CD109: variants seen among roughly 807,000 people sequenced by gnomAD.
CD109 encodes CD109 molecule.
A neutral mutation model predicts 165.8 loss-of-function variants in CD109; 149 were observed. The ratio of observed to expected loss-of-function variants is 0.90; its 90% CI spans 0.79 to 1.03. The LOEUF (loss-of-function observed/expected upper bound fraction) is 1.03, where lower values mean the gene tolerates loss of function less well. CD109 is among the 50% of genes least tolerant of loss of function. The pLI, the probability that CD109 is intolerant of heterozygous loss-of-function variation, is 0.00. For missense variants in CD109, 1,712 were observed against 1,677.8 expected, an observed-to-expected ratio of 1.02 and a Z score of -0.36; for synonymous variants, 585 against 592.1, an observed-to-expected ratio of 0.99 and a Z score of 0.18.
chr6:73,735,285 A>G lies in CD109; in HGVS notation c.508-1098A>G, dbSNP rs1361433148. 5.3e-5 allele frequency among the ~76,000 whole-genome samples: 8 copies of G among 152,188 alleles called. No homozygotes were observed. The East Asian group carries it at 1.3e-3, about 26-fold the overall frequency. On this transcript the variant is annotated intron_variant, in intron 4 of 32. Coordinates refer to ENST00000287097, the MANE Select transcript of CD109 (RefSeq NM_133493.5). ...TATACTATAATTAGGGACTATAAAA[A>G]GTGTATAGCCACTGCTTTTTATATG... is the stretch of plus-strand genomic sequence containing the variant.
rs775817475 is a variant in CD109 at position 73,823,454 on chromosome 6, A to T, written c.4163-4A>T. On this transcript the variant is annotated splice_region_variant and splice_polypyrimidine_tract_variant and intron_variant, in intron 32 of 32. Coordinates refer to ENST00000287097, the MANE Select transcript of CD109 (RefSeq NM_133493.5). Reference sequence around the variant, plus strand: ...TGTGAACTGATGTCTGCTTCTTTGAACAGGGAGACAGGCGGTGAGAAGTTA... The same window carrying T: ...TGTGAACTGATGTCTGCTTCTTTGATCAGGGAGACAGGCGGTGAGAAGTTA... 2.3e-5 allele frequency: 37 copies of T among 1,600,024 alleles called. No homozygotes were observed. The highest frequency in any genetic ancestry group is 2.9e-5 in the Non-Finnish European group (34 of 1,170,064).
intron 14 of CD109, among the ~76,000 whole-genome samples, chr6:73,769,547 C>A (rs1232627204): frequency 6.6e-6 from 1 of 152,158 alleles, no homozygotes; most frequent in Non-Finnish European, 1.5e-5. Flanking sequence ...AACTATATAT[C>A]TTTCTCTTAT....
intron 23 of CD109, among the ~76,000 whole-genome samples, chr6:73,798,648 CA>C (rs1460157004): frequency 4.1e-4 from 62 of 152,278 alleles, no homozygotes; most frequent in Non-Finnish European, 7.8e-4. Flanking sequence ...TCAAGAAATT[CA>C]CTGCAAAACT....
At chr6:73,746,328 A>G (rs934226638) in intron 5 of CD109, among the ~76,000 whole-genome samples, 1 of 152,120 alleles carries the variant, frequency 6.6e-6, no homozygotes, top group Non-Finnish European at 1.5e-5. Flanking sequence ...AATGAGTACC[A>G]AGTCCCTGGG....
chr6:73,730,296 T>C, intron 3 of CD109, 48 bp from the exon 4 acceptor site: 1 of 1,150,240 alleles, frequency 8.7e-7, no homozygotes, highest in Non-Finnish European at 1.3e-6. Flanking sequence ...AAAACATTTT[T>C]GAGGTAAAAT....
chr6:73,699,515 G>A (rs905143841), intron 2 of CD109, among the ~76,000 whole-genome samples: 2 of 152,098 alleles, frequency 1.3e-5, no homozygotes, highest in Non-Finnish European at 2.9e-5. Flanking sequence ...CACCTGTTAG[G>A]TCTTTTCTGT....
chr6:73,746,804 A>G (rs1772999413), intron 5 of CD109, among the ~76,000 whole-genome samples: 1 of 152,188 alleles, frequency 6.6e-6, no homozygotes, highest in African/African-American at 2.4e-5. Context: ...AGTGACTGTC[A>G]GGTATAGACC....
At position 73,766,913 on chromosome 6, in the gene CD109, T is replaced by C. The variant is rs1773874891; in HGVS notation, c.1435-35T>C. On this transcript the variant is annotated intron_variant, in intron 12 of 32. Coordinates refer to ENST00000287097, the MANE Select transcript of CD109 (RefSeq NM_133493.5). ...ACAATATAATTGGACTATCTTGCTT[T>C]TGATATGTACATATTAATTAAGGTT... 1.9e-6 allele frequency: 3 copies of C among 1,611,096 alleles called. No homozygotes were observed. In the South Asian group the frequency reaches 3.3e-5, roughly 18 times the overall value.
intron 3 of CD109, among the ~76,000 whole-genome samples, chr6:73,726,877 G>A (rs1772158562): frequency 6.6e-6 from 1 of 152,180 alleles, no homozygotes; most frequent in Admixed American, 6.5e-5. Flanking sequence ...TGTGGGAACT[G>A]CACCTTCCTC....
intron 24 of CD109, among the ~76,000 whole-genome samples, chr6:73,805,462 C>T (rs560952083): frequency 7.6e-4 from 115 of 152,280 alleles, no homozygotes; most frequent in African/African-American, 2.7e-3. Context: ...GATTTTATAC[C>T]GAGACATTCC....
chr6:73,810,623 C>G (rs890550946), intron 27 of CD109, among the ~76,000 whole-genome samples: 1 of 151,856 alleles, frequency 6.6e-6, no homozygotes, highest in African/African-American at 2.4e-5. Flanking sequence ...GTGGGATCTA[C>G]AGAAATGCTA....
chr6:73,778,075 T>C (rs150935331), intron 15 of CD109, among the ~76,000 whole-genome samples: 1 of 152,342 alleles, frequency 6.6e-6, no homozygotes, highest in African/African-American at 2.4e-5. Context: ...TGTTCATCTA[T>C]GATTTCTTTG....
At chr6:73,752,443 A>G (rs569827835) in intron 5 of CD109, among the ~76,000 whole-genome samples, 2 of 152,264 alleles carry the variant, frequency 1.3e-5, no homozygotes, top group South Asian at 2.1e-4. Flanking sequence ...TTCCCACTTC[A>G]TTTGTCTAAT....
At chr6:73,761,349 T>TA (rs1005245212) in intron 7 of CD109, among the ~76,000 whole-genome samples, 3 of 152,196 alleles carry the variant, frequency 2.0e-5, no homozygotes, top group African/African-American at 7.2e-5. Context: ...ATGTAATCTT[T>TA]AAAAAATCTT....
At chr6:73,772,987 A>G (rs938036271) in intron 15 of CD109, among the ~76,000 whole-genome samples, 8 of 148,920 alleles carry the variant, frequency 5.4e-5, no homozygotes, top group Admixed American at 1.3e-4. Context: ...ATGTCTGTAG[A>G]TCTTGCATTT....
upstream of CD109, chr6:73,695,150 T>TA (rs1279843590): frequency 6.6e-6 from 1 of 152,268 alleles, no homozygotes; most frequent in Non-Finnish European, 1.5e-5. Flanking sequence ...TGCTACCATC[T>TA]AAAACCGCTC....
At chr6:73,793,577 A>G (rs1318632557) in intron 23 of CD109, among the ~76,000 whole-genome samples, 2 of 152,248 alleles carry the variant, frequency 1.3e-5, no homozygotes, top group Admixed American at 6.5e-5. Flanking sequence ...CCAGGGTCAT[A>G]TAGTCATACA....
chr6:73,729,944 A>G (rs891396084), intron 3 of CD109, among the ~76,000 whole-genome samples: 2 of 152,232 alleles, frequency 1.3e-5, no homozygotes, highest in Non-Finnish European at 2.9e-5. Flanking sequence ...ATAGCAAGAA[A>G]CAAATTTTGT....
At chr6:73,715,565 CAAAAA>C (rs61331986) in intron 2 of CD109, among the ~76,000 whole-genome samples, 2 of 71,060 alleles carry the variant, frequency 2.8e-5, no homozygotes, top group African/African-American at 4.5e-5. Context: ...ACCCTGTCTC[CAAAAA>C]AAAAAAAAAA....
Sources: allele counts gnomAD v4.1 joint callset (sites outside exome capture counted in the v4.1 genomes callset), GRCh38; gene constraint gnomAD v4.1.1; transcripts MANE v1.5; gene names NCBI Gene and HGNC (gene_info 2026-07-23, HGNC 2026-07-21).